The following KDM4C variants were observed in gnomAD, a reference collection of about 807,000 sequenced individuals.
KDM4C encodes the protein lysine demethylase 4C, also known as lysine-specific demethylase 4C.
KDM4C carries 81 observed loss-of-function variants against 129.3 expected under a neutral mutation model. The observed-to-expected ratio is 0.63, with a 90% CI of 0.52 to 0.75. The LOEUF is 0.75. KDM4C is among the 30% of genes least tolerant of loss of function. KDM4C has a pLI of 0.00. For missense variants in KDM4C, 1,457 were observed against 1,304.0 expected, an observed-to-expected ratio of 1.12 and a Z score of -1.81; for synonymous variants, 573 against 456.1, an observed-to-expected ratio of 1.26 and a Z score of -3.26.
At chr9:6,777,214 T>G (rs1588190952) in intron 1 of KDM4C, among the ~76,000 whole-genome samples, 1 of 152,200 alleles carries the variant, frequency 6.6e-6, no homozygotes, top group African/African-American at 2.4e-5. Flanking sequence ...ATTATACTTT[T>G]GGTGTTTTCA....
chr9:7,041,684 A>T (rs952943823), intron 15 of KDM4C, among the ~76,000 whole-genome samples: 3 of 151,954 alleles, frequency 2.0e-5, no homozygotes, highest in Non-Finnish European at 4.4e-5. Flanking sequence ...GGGTGAAGTC[A>T]ATCTGATTTA....
intron 15 of KDM4C, among the ~76,000 whole-genome samples, chr9:7,020,106 T>C (rs867781364): frequency 2.9e-4 from 44 of 152,306 alleles, no homozygotes; most frequent in African/African-American, 1.1e-3. Context: ...TGTTCCCATT[T>C]TCTTACTTTT....
intron 2 of KDM4C, 136 bp from the exon 3 acceptor site, chr9:6,805,463 T>C (rs1829789885): frequency 3.3e-6 from 2 of 603,556 alleles, no homozygotes; most frequent in Non-Finnish European, 5.3e-6. Flanking sequence ...CAAATATTCA[T>C]CTTTTTTTTT....
chr9:6,793,129 A>C lies in KDM4C; in HGVS notation c.141A>C (p.Ala47=), dbSNP rs1564017252. The C allele has an allele frequency of 6.2e-7, 1 of 1,613,418 alleles. No homozygotes were observed. The highest frequency in any genetic ancestry group is 8.5e-7 in the Non-Finnish European group (1 of 1,179,752). The change falls in exon 2 of 22, where the codon GCA becomes GCC. Residue 47 remains alanine, a synonymous_variant. Coordinates refer to ENST00000381309, the MANE Select transcript of KDM4C (RefSeq NM_015061.6). ...ESKGAHRAGL[A]KVIPPKEWKP... is the part of the protein sequence containing the mutation. Reference sequence around the variant, plus strand: ...AAGGAGCCCATCGTGCGGGTCTTGCAAAGGTGATTATCCTTCGATGCTTTA... The same window carrying C: ...AAGGAGCCCATCGTGCGGGTCTTGCCAAGGTGATTATCCTTCGATGCTTTA...
chr9:6,892,769 A>G (rs528124567), intron 7 of KDM4C, among the ~76,000 whole-genome samples: 3 of 152,240 alleles, frequency 2.0e-5, no homozygotes, highest in Non-Finnish European at 4.4e-5. Flanking sequence ...TTAAAATATA[A>G]GAATATATAG....
At chr9:6,906,599 G>A (rs1818366794) in intron 8 of KDM4C, among the ~76,000 whole-genome samples, 1 of 152,192 alleles carries the variant, frequency 6.6e-6, no homozygotes, top group South Asian at 2.1e-4. Flanking sequence ...ATGCCGCCAT[G>A]ACTGGCTAAT....
At chr9:6,936,826 G>C (rs1335203040) in intron 8 of KDM4C, among the ~76,000 whole-genome samples, 1 of 152,174 alleles carries the variant, frequency 6.6e-6, no homozygotes, top group Admixed American at 6.5e-5. Flanking sequence ...TCTCCTCTGT[G>C]CTTTAGTTTC....
At chr9:6,968,310 C>G (rs1464054125) in intron 8 of KDM4C, among the ~76,000 whole-genome samples, 1 of 152,042 alleles carries the variant, frequency 6.6e-6, no homozygotes, top group Non-Finnish European at 1.5e-5. Context: ...GTCCCTGTCT[C>G]TACAAAAGTT....
intron 17 of KDM4C, among the ~76,000 whole-genome samples, chr9:7,064,656 A>G (rs1672416205): frequency 6.6e-6 from 1 of 152,196 alleles, no homozygotes; most frequent in Non-Finnish European, 1.5e-5. Context: ...GGGAGGAAGT[A>G]TATATTGGAC....
intron 17 of KDM4C, among the ~76,000 whole-genome samples, chr9:7,081,774 G>A (rs16925300): frequency 0.11 from 16,727 of 152,226 alleles, 1,210 homozygotes; most frequent in East Asian, 0.2. Flanking sequence ...CAAAGCATGT[G>A]TCTAAAGCCT....
chr9:6,988,957 T>C (rs1818242151), intron 11 of KDM4C, among the ~76,000 whole-genome samples: 2 of 152,204 alleles, frequency 1.3e-5, no homozygotes, highest in Admixed American at 6.5e-5. Flanking sequence ...ATTTGATAAA[T>C]ACGACTTATT....
chr9:7,044,880 G>A (rs753684825), intron 15 of KDM4C, among the ~76,000 whole-genome samples: 2 of 151,912 alleles, frequency 1.3e-5, no homozygotes, highest in Non-Finnish European at 1.5e-5. Flanking sequence ...AGGAAACTGA[G>A]GGTCAGCTAG....
chr9:6,912,156 G>T (rs1240863981), intron 8 of KDM4C, among the ~76,000 whole-genome samples: 2 of 152,130 alleles, frequency 1.3e-5, no homozygotes, highest in African/African-American at 4.8e-5. Context: ...GCTGTTTCTG[G>T]CCAGCCTTAT....
At chr9:6,746,527 C>G (rs1817880884) in intron 1 of KDM4C, among the ~76,000 whole-genome samples, 1 of 150,126 alleles carries the variant, frequency 6.7e-6, no homozygotes, top group Admixed American at 6.6e-5. Flanking sequence ...CCTCAGCTTC[C>G]CAAAGTGCTG....
At chr9:6,834,095 G>T (rs1228339693) in intron 4 of KDM4C, among the ~76,000 whole-genome samples, 1 of 138,808 alleles carries the variant, frequency 7.2e-6, no homozygotes, top group Non-Finnish European at 1.5e-5. Flanking sequence ...CTGGGGTGCA[G>T]TGATGCAATC....
rs564914409 is a variant in KDM4C, at chr9:6,858,287, G to T, written c.629+8587G>T. On this transcript the variant is annotated intron_variant, in intron 5 of 21. Coordinates refer to ENST00000381309, the MANE Select transcript of KDM4C (RefSeq NM_015061.6). ...TAATGAATTACTGCTCAGTAAGGGC[G>T]TGTAAATTCCCCTTAGGATGCTTGC... Among the ~76,000 whole-genome samples, 9 of 152,006 alleles carry T rather than the reference G, an allele frequency of 5.9e-5. No individual in the cohort carries two copies. In the East Asian group the frequency reaches 7.7e-4, roughly 13 times the overall value.
intron 1 of KDM4C, chr9:6,721,305 T>C (rs1268538603): frequency 7.2e-6 from 1 of 138,838 alleles, no homozygotes; most frequent in Non-Finnish European, 1.5e-5. Context: ...AGACAGAGTC[T>C]CTCTCTCTCT....
intron 15 of KDM4C, among the ~76,000 whole-genome samples, chr9:7,030,568 A>G (rs559636313): frequency 1.3e-5 from 2 of 152,280 alleles, no homozygotes; most frequent in Non-Finnish European, 1.5e-5. Flanking sequence ...CAGGCAAGAG[A>G]TAATTGGGAA....
At chr9:7,034,556 AT>A (rs1827315723) in intron 15 of KDM4C, among the ~76,000 whole-genome samples, 1 of 151,980 alleles carries the variant, frequency 6.6e-6, no homozygotes, top group Non-Finnish European at 1.5e-5. Flanking sequence ...TACATGCCAC[AT>A]TTTCTTTATT....
Sources: gnomAD v4.1 joint callset for allele counts (sites outside exome capture counted in the v4.1 genomes callset) on GRCh38, gnomAD v4.1.1 for gene constraint, MANE v1.5 for transcripts, NCBI Gene and HGNC (gene_info 2026-07-23, HGNC 2026-07-21) for gene names.